ZNF398: variants seen among roughly 807,000 people sequenced by gnomAD.
ZNF398 encodes the protein zinc finger DNA binding protein ZER6.
Under a neutral mutation model 41.9 loss-of-function variants are expected in ZNF398, and 18 were observed. The observed-to-expected ratio is 0.43, with a 90% CI of 0.30 to 0.64. ZNF398 has a LOEUF of 0.64. Among genes scored for constraint, ZNF398 ranks in the 30% least tolerant of loss-of-function variants. The pLI, the probability that ZNF398 is intolerant of heterozygous loss-of-function variation, is 0.14. For missense variants in ZNF398, 669 were observed against 822.8 expected, an observed-to-expected ratio of 0.81 and a Z score of 2.29; for synonymous variants, 260 against 308.8, an observed-to-expected ratio of 0.84 and a Z score of 1.66.
chr7:149,146,053 C>G (rs776944004), upstream of ZNF398, among the ~76,000 whole-genome samples: 42 of 148,486 alleles, frequency 2.8e-4, no homozygotes, highest in Non-Finnish European at 3.8e-4. Context: ...TCCAGCGATT[C>G]TCTTGCCTCA....
chr7:149,159,652 A>T (rs866762447), intron 2 of ZNF398, among the ~76,000 whole-genome samples: 1 of 152,228 alleles, frequency 6.6e-6, no homozygotes, highest in Middle Eastern at 3.4e-3. Context: ...CGTCTCAAAA[A>T]AAATGCTCTT....
chr7:149,146,761 A>G (rs1272173279), upstream of ZNF398, among the ~76,000 whole-genome samples: 2 of 151,728 alleles, frequency 1.3e-5, no homozygotes. Context: ...AAGGCAGGAG[A>G]ATCGGTTGAA....
intron 4 of ZNF398, among the ~76,000 whole-genome samples, chr7:149,172,897 T>TTA (rs1795376870): frequency 6.6e-6 from 1 of 152,130 alleles, no homozygotes; most frequent in Non-Finnish European, 1.5e-5. Context: ...ATACAGTCTA[T>TTA]TAAGTTGGCA....
intron 1 of ZNF398, among the ~76,000 whole-genome samples, chr7:149,150,962 A>G (rs1323458724): frequency 6.6e-6 from 1 of 152,196 alleles, no homozygotes; most frequent in African/African-American, 2.4e-5. Flanking sequence ...CACCTGTCTC[A>G]GCCTTGCAAA....
At chr7:149,172,307 A>G (rs1486319493) in intron 4 of ZNF398, among the ~76,000 whole-genome samples, 1 of 152,184 alleles carries the variant, frequency 6.6e-6, no homozygotes, top group Non-Finnish European at 1.5e-5. Context: ...GAAATCTTGC[A>G]CTATCCTGCC....
chr7:149,171,010 ATTT>A (rs71192761), intron 4 of ZNF398, among the ~76,000 whole-genome samples: 1 of 137,296 alleles, frequency 7.3e-6, no homozygotes, highest in Non-Finnish European at 1.5e-5. Flanking sequence ...CGCCCGGCTA[ATTT>A]TTTTTTTTTT....
chr7:149,166,573 A>T (rs545484957), intron 3 of ZNF398, among the ~76,000 whole-genome samples: 35 of 152,232 alleles, frequency 2.3e-4, no homozygotes, highest in Admixed American at 1.2e-3. Context: ...CTTGAGGCAC[A>T]CTGTCACTCT....
chr7:149,171,842 A>T (rs769246797), intron 4 of ZNF398, among the ~76,000 whole-genome samples: 10 of 151,386 alleles, frequency 6.6e-5, no homozygotes, highest in Non-Finnish European at 1.0e-4. Context: ...TAATTTTTTT[A>T]TTTTTTTATA....
intron 2 of ZNF398, among the ~76,000 whole-genome samples, chr7:149,164,697 T>C (rs922958896): frequency 2.0e-5 from 3 of 152,210 alleles, no homozygotes; most frequent in Admixed American, 6.5e-5. Context: ...AAAAGACTTC[T>C]GGCATTACAG....
At chr7:149,146,969 C>T (rs1025341450), upstream of ZNF398, 1 of 152,208 alleles carries the variant, frequency 6.6e-6, no homozygotes, top group African/African-American at 2.4e-5. Flanking sequence ...CGCGTGGGAC[C>T]TGAACCGCCT....
chr7:149,164,324 G>A (rs1795179555), intron 2 of ZNF398, among the ~76,000 whole-genome samples: 2 of 149,874 alleles, frequency 1.3e-5, no homozygotes, highest in South Asian at 2.1e-4. Context: ...GGAGAAGGGC[G>A]TGAACCCGGG....
In ZNF398 at chr7:149,178,721, T is replaced by G. The variant is rs755374477; in HGVS notation, c.849T>G (p.Ser283=). The G allele has an allele frequency of 1.2e-6, 2 of 1,614,202 alleles. No homozygotes were observed. Among genetic ancestry groups the G allele is most frequent in the South Asian group, 2.2e-5 (2 of 91,072 alleles). ...GCCCTGAGGTTCCAGTCCCTTTCTC[T>G]TCTCCACCAGCAGCAGCAAAGGATG... ...SLCPEVPVPF[S]SPPAAAKDAF... is the part of the protein sequence containing the mutation. Residue 283 remains serine (S), a synonymous_variant, in exon 6 of 6, where the codon TCT becomes TCG. Coordinates refer to ENST00000475153, the MANE Select transcript of ZNF398 (RefSeq NM_170686.3).
At chr7:149,158,086 A>C (rs977661097) in intron 2 of ZNF398, among the ~76,000 whole-genome samples, 1 of 152,206 alleles carries the variant, frequency 6.6e-6, no homozygotes, top group African/African-American at 2.4e-5. Context: ...CGTCTCCAAA[A>C]AACGAATAAA....
Position 149,182,911 on chromosome 7 carries a change from T to C in ZNF398, c.*3110T>C, listed in dbSNP as rs1795624772. ...CCTATTAGCGGGGAAGGTGTGGGGC[T>C]CTGCTGGGCTTCTCTTGAGCATATC... is the stretch of plus-strand genomic sequence containing the variant. On this transcript the variant is annotated 3_prime_UTR_variant, in exon 6 of 6. Coordinates refer to ENST00000475153, the MANE Select transcript of ZNF398 (RefSeq NM_170686.3). 1 of 152,120 alleles carries C rather than the reference T, an allele frequency of 6.6e-6. No individual in the cohort carries two copies. Among genetic ancestry groups the C allele is most frequent in the South Asian group, 2.1e-4 (1 of 4,830 alleles). 9.4% of individuals were successfully genotyped at this position (152,120 alleles called of 1,614,324 possible). A position where few individuals can be genotyped will look rare whatever the true frequency, so the allele number is the denominator to read the frequency against.
chr7:149,155,478 C>T (rs2129520452), intron 2 of ZNF398, among the ~76,000 whole-genome samples: 1 of 152,108 alleles, frequency 6.6e-6, no homozygotes, highest in Non-Finnish European at 1.5e-5. Flanking sequence ...GTGAGCATCA[C>T]ATCCAGATTC....
intron 1 of ZNF398, among the ~76,000 whole-genome samples, chr7:149,148,863 CTTTTTTTTTTTTTTTT>C (rs59895177): frequency 6.3e-5 from 4 of 63,284 alleles, no homozygotes; most frequent in East Asian, 6.1e-4. Flanking sequence ...TTTTCTTTGT[CTTTTTTTTTTTTTTTT>C]TTTTTTTTTT....
At chr7:149,153,909 A>G (rs554972866) in intron 1 of ZNF398, 36 bp from the exon 2 acceptor site, 3 of 1,574,158 alleles carry the variant, frequency 1.9e-6, no homozygotes, top group African/African-American at 2.7e-5. Context: ...TCCTTCTAAC[A>G]CTCAATGTCT....
intron 1 of ZNF398, chr7:149,151,248 T>C (rs1354025645): frequency 8.0e-6 from 10 of 1,246,436 alleles, no homozygotes; most frequent in Non-Finnish European, 8.3e-6. Context: ...GAAAGAATGA[T>C]TGGACTGATT....
chr7:149,126,418 G>A (rs1159454960), exon 1 of ZNF398: 5 of 976,120 alleles, frequency 5.1e-6, no homozygotes, highest in African/African-American at 3.5e-5. Context: ...AGAGGGAGTC[G>A]GTCCTCAGAG....
Sources: allele counts gnomAD v4.1 joint callset (sites outside exome capture counted in the v4.1 genomes callset), GRCh38; gene constraint gnomAD v4.1.1; transcripts MANE v1.5; gene names NCBI Gene and HGNC (gene_info 2026-07-23, HGNC 2026-07-21).